Variants in SCYL2 observed in about 807,000 individuals in gnomAD.
SCYL2 encodes the protein SCY1-like protein 2.
A neutral mutation model predicts 100.4 loss-of-function variants in SCYL2; 36 were observed. The observed-to-expected ratio is 0.36, with a 90% CI of 0.27 to 0.47. The LOEUF is 0.47. Among genes scored for constraint, SCYL2 ranks in the 20% least tolerant of loss-of-function variants. The pLI is 1.00. For synonymous variants in SCYL2, 330 were observed against 359.2 expected (o/e 0.92, Z 0.92); for missense variants, 902 against 1,083.9 (o/e 0.83, Z 2.36).
chr12:100,335,881 A>T lies in SCYL2; in HGVS notation c.2000A>T (p.Asp667Val). 3 of 1,613,068 alleles carry T rather than the reference A, an allele frequency of 1.9e-6. No homozygotes were observed. Among genetic ancestry groups the T allele is most frequent in the Non-Finnish European group, 2.5e-6 (3 of 1,179,138 alleles). ...LTGSESENKE[D>V]GLQNKHKRAS... ...GGCAGTGAGTCCGAAAATAAAGAGG[A>T]CGGGTTACAGAATAAACATAAAAGA... Residue 667 changes from aspartate to valine, a missense_variant, in exon 16 of 18, where the codon GAC (aspartate) becomes GTC (valine). Coordinates refer to ENST00000360820, the MANE Select transcript of SCYL2 (RefSeq NM_017988.6).
intron 1 of SCYL2, among the ~76,000 whole-genome samples, chr12:100,275,336 G>A (rs1438813494): frequency 6.6e-6 from 1 of 151,840 alleles, no homozygotes; most frequent in Non-Finnish European, 1.5e-5. Context: ...TGAGTAGCTG[G>A]GACTGCAGAC....
At chr12:100,329,022 G>C (rs982828553) in intron 12 of SCYL2, among the ~76,000 whole-genome samples, 179 bp from the exon 13 acceptor site, 4 of 152,144 alleles carry the variant, frequency 2.6e-5, no homozygotes, top group Admixed American at 2.6e-4. Flanking sequence ...AATCTGGCCT[G>C]ATGATAAAGG....
At chr12:100,333,078 A>AT (rs1418413348) in intron 13 of SCYL2, among the ~76,000 whole-genome samples, 5,767 of 143,038 alleles carry the variant, frequency 0.04, 152 homozygotes, top group African/African-American at 0.079. Flanking sequence ...TGAATTGTGA[A>AT]TTTTTTTTTT....
At chr12:100,298,860 G>A (rs1385481962) in intron 4 of SCYL2, among the ~76,000 whole-genome samples, 1 of 152,184 alleles carries the variant, frequency 6.6e-6, no homozygotes, top group African/African-American at 2.4e-5. Flanking sequence ...GGGATTACAA[G>A]AGTGAGCCAC....
At chr12:100,303,552 C>G (rs1404254897) in intron 4 of SCYL2, among the ~76,000 whole-genome samples, 1 of 152,226 alleles carries the variant, frequency 6.6e-6, no homozygotes, top group Non-Finnish European at 1.5e-5. Context: ...TGGAGGTCCA[C>G]TCCAGACCCT....
chr12:100,301,294 C>G (rs2096327283), intron 4 of SCYL2, among the ~76,000 whole-genome samples: 1 of 152,012 alleles, frequency 6.6e-6, no homozygotes, highest in Non-Finnish European at 1.5e-5. Context: ...ATTTGTATGT[C>G]TTCTTTTGAG....
chr12:100,295,443 C>A (rs1592941669), intron 3 of SCYL2, among the ~76,000 whole-genome samples: 1 of 152,204 alleles, frequency 6.6e-6, no homozygotes, highest in African/African-American at 2.4e-5. Context: ...CGTCTGCAAT[C>A]CCGGCACCTC....
intron 2 of SCYL2, among the ~76,000 whole-genome samples, chr12:100,288,662 C>T (rs2096307068): frequency 6.6e-6 from 1 of 151,804 alleles, no homozygotes; most frequent in Admixed American, 6.6e-5. Context: ...ATAGTGAGAC[C>T]TCGTCTCTAC....
chr12:100,321,463 T>G (rs1451011312), intron 10 of SCYL2, among the ~76,000 whole-genome samples: 1 of 152,180 alleles, frequency 6.6e-6, no homozygotes, highest in African/African-American at 2.4e-5. Context: ...ATTTTCTCAT[T>G]TAGTTCCCTA....
At chr12:100,333,332 C>T (rs1952234783) in intron 13 of SCYL2, among the ~76,000 whole-genome samples, 1 of 152,168 alleles carries the variant, frequency 6.6e-6, no homozygotes, top group Non-Finnish European at 1.5e-5. Context: ...CATATGAGCT[C>T]TCTAGCATCT....
intron 7 of SCYL2, among the ~76,000 whole-genome samples, chr12:100,314,079 C>T (rs1358889244): frequency 6.6e-6 from 1 of 152,084 alleles, no homozygotes; most frequent in Non-Finnish European, 1.5e-5. Flanking sequence ...CAGTGTTTCA[C>T]CATTTTGGCT....
At chr12:100,297,549 G>C (rs978053022) in intron 3 of SCYL2, among the ~76,000 whole-genome samples, 2 of 152,216 alleles carry the variant, frequency 1.3e-5, no homozygotes, top group African/African-American at 2.4e-5. Flanking sequence ...TGGGCTACTG[G>C]AGCTAGCTGT....
At chr12:100,295,290 C>G (rs1230580433) in intron 3 of SCYL2, among the ~76,000 whole-genome samples, 1 of 151,608 alleles carries the variant, frequency 6.6e-6, no homozygotes, top group African/African-American at 2.4e-5. Flanking sequence ...ACTTCCCAGA[C>G]GGGGTGGCGG....
Position 100,308,061 on chromosome 12 carries a change from A to G in SCYL2, c.481-2983A>G, listed in dbSNP as rs146917619. Among the ~76,000 whole-genome samples, 12 of 152,302 alleles carry G rather than the reference A, an allele frequency of 7.9e-5. No individual in the cohort carries two copies. The East Asian group carries it at 2.3e-3, about 29-fold the overall frequency. ...GGTGGGGGTGTAAATTAGTTCAACC[A>G]TTGTTGAAAACAGTATGGCGATTCC... On this transcript the variant is annotated intron_variant, in intron 4 of 17. Coordinates refer to ENST00000360820, the MANE Select transcript of SCYL2 (RefSeq NM_017988.6).
intron 5 of SCYL2, among the ~76,000 whole-genome samples, 164 bp downstream of exon 5, chr12:100,311,357 C>A (rs2096341970): frequency 6.6e-6 from 1 of 151,998 alleles, no homozygotes; most frequent in African/African-American, 2.4e-5. Flanking sequence ...CGGCACATTA[C>A]TACCACAGTA....
chr12:100,267,635 G>C lies in SCYL2; in HGVS notation c.-186G>C, dbSNP rs1314449271. 1 of 152,366 alleles carries C rather than the reference G, an allele frequency of 6.6e-6. No homozygotes were observed. Among genetic ancestry groups the C allele is most frequent in the African/African-American group, 2.4e-5 (1 of 41,464 alleles). 9.4% of individuals were successfully genotyped at this position (152,366 alleles called of 1,614,324 possible). On this transcript the variant is annotated 5_prime_UTR_variant, in exon 1 of 18. Transcript: ENST00000360820. ...AGCGAGCTCCGGGGAGCGGATCCGA[G>C]AGGGCCGAGTCCTCGAAAGAGGCCT...
chr12:100,291,742 T>C, intron 3 of SCYL2, 82 bp downstream of exon 3: 1 of 1,357,488 alleles, frequency 7.4e-7, no homozygotes, highest in South Asian at 1.5e-5. Flanking sequence ...CTGTTTCAAG[T>C]ATTGTCAGTG....
intron 1 of SCYL2, among the ~76,000 whole-genome samples, chr12:100,279,821 T>G (rs927865568): frequency 1.3e-5 from 2 of 152,254 alleles, no homozygotes; most frequent in Non-Finnish European, 2.9e-5. Context: ...CTCTCTAGTT[T>G]GGTTCTTGCC....
In SCYL2 at chr12:100,283,150, G is replaced by A; in HGVS notation, c.177+3G>A. ...GCACAAAAAAGTCAACAAAGCAGGT[G>A]AGTTTTAATTCAGCATCCACTTGGA... On this transcript the variant is annotated splice_donor_region_variant and intron_variant, in intron 2 of 17. Coordinates refer to ENST00000360820, the MANE Select transcript of SCYL2 (RefSeq NM_017988.6). 1 of 1,597,998 alleles carries A rather than the reference G, an allele frequency of 6.3e-7. No homozygotes were observed. Among genetic ancestry groups the A allele is most frequent in the Non-Finnish European group, 8.5e-7 (1 of 1,172,906 alleles).
Sources: gnomAD v4.1 joint callset for allele counts (sites outside exome capture counted in the v4.1 genomes callset) on GRCh38, gnomAD v4.1.1 for gene constraint, MANE v1.5 for transcripts, NCBI Gene and HGNC (gene_info 2026-07-23, HGNC 2026-07-21) for gene names.